Variants in GET4 observed in about 807,000 individuals in gnomAD.
GET4 encodes guided entry of tail-anchored proteins factor 4.
A neutral mutation model predicts 40.0 loss-of-function variants in GET4; 20 were observed. That is an observed-to-expected ratio of 0.50 (90% CI 0.35 to 0.73). GET4 has a LOEUF of 0.73. Ranked by LOEUF, GET4 falls within the 30% of genes least tolerant of loss-of-function variation. The pLI is 0.01. For synonymous variants in GET4, 280 were observed against 194.6 expected (o/e 1.44, Z -3.65); for missense variants, 557 against 454.0 (o/e 1.23, Z -2.06).
chr7:883,124 C>T (rs1019476582), intron 1 of GET4: 1 of 152,306 alleles, frequency 6.6e-6, no homozygotes, highest in African/African-American at 2.4e-5. Flanking sequence ...TACCTGCCGG[C>T]TCAGGTCCCT....
At chr7:894,351 TG>T (rs1844419426) in intron 8 of GET4, among the ~76,000 whole-genome samples, 1 of 152,154 alleles carries the variant, frequency 6.6e-6, no homozygotes, top group Non-Finnish European at 1.5e-5. Context: ...GCCGTGGCTT[TG>T]GGGTCGCGGC....
At chr7:887,616 A>G in intron 4 of GET4, 97 bp downstream of exon 4, 1 of 983,576 alleles carries the variant, frequency 1.0e-6, no homozygotes, top group Non-Finnish European at 1.4e-6. Flanking sequence ...ACCAGGGCAG[A>G]GATGGGGTTT....
rs1488897267 is a variant in GET4 at position 896,228 on chromosome 7, C to T, written c.*806C>T. On this transcript the variant is annotated 3_prime_UTR_variant, in exon 9 of 9. Transcript: ENST00000265857. ...ACCAAATAACCGGTCCAGGAGTGAG[C>T]AGCTCCGTTCTGTCAGATGCTACTC... 2.6e-5 allele frequency: 4 copies of T among 152,232 alleles called. No homozygotes were observed. Among genetic ancestry groups the T allele is most frequent in the Non-Finnish European group, 5.9e-5 (4 of 68,044 alleles). 9.4% of individuals were successfully genotyped at this position (152,232 alleles called of 1,614,324 possible). A position where few individuals can be genotyped will look rare whatever the true frequency, so the allele number is the denominator to read the frequency against.
At chr7:885,826 T>G in intron 1 of GET4, 1 of 544,410 alleles carries the variant, frequency 1.8e-6, no homozygotes, top group South Asian at 2.2e-5. Context: ...CCTGGTGTAT[T>G]TGGACACAGA....
chr7:888,895 T>G (rs946223243), intron 4 of GET4, among the ~76,000 whole-genome samples: 4 of 152,188 alleles, frequency 2.6e-5, no homozygotes, highest in Admixed American at 1.3e-4. Flanking sequence ...CCGGGAGCTG[T>G]CGTCTGTCTT....
chr7:895,380 G>A lies in GET4; in HGVS notation c.942G>A (p.Gly314=). ...SLMGSSEQED[G]EESPSDGSPI... is the part of the protein sequence containing the mutation. The stretch of plus-strand genomic sequence containing the variant: ...TGGGCTCCTCAGAGCAGGAGGATGG[G>A]GAGGAGAGCCCCAGCGACGGCAGCC... The change falls in exon 9 of 9, where the codon GGG becomes GGA. Residue 314 remains glycine, a synonymous_variant. Coordinates refer to ENST00000265857, the MANE Select transcript of GET4 (RefSeq NM_015949.3). 2 of 1,600,816 alleles carry A rather than the reference G, an allele frequency of 1.2e-6. No individual in the cohort carries two copies. The highest frequency in any genetic ancestry group is 1.7e-4 in the Middle Eastern group (1 of 6,038).
chr7:877,110 C>T (rs1268176759), intron 1 of GET4, among the ~76,000 whole-genome samples: 2 of 151,894 alleles, frequency 1.3e-5, no homozygotes, highest in South Asian at 2.1e-4. Flanking sequence ...CCCACACGCC[C>T]CTCGGCCTTC....
chr7:877,265 C>T (rs541209792), intron 1 of GET4, among the ~76,000 whole-genome samples: 2 of 149,868 alleles, frequency 1.3e-5, no homozygotes, highest in South Asian at 2.1e-4. Flanking sequence ...CCGGCCTCTC[C>T]CGGCCCCTCG....
intron 1 of GET4, chr7:879,718 G>A (rs1457297966): frequency 6.6e-6 from 1 of 152,250 alleles, no homozygotes; most frequent in African/African-American, 2.4e-5. Context: ...GGTTTAGAAA[G>A]AGATTCGCGT....
intron 2 of GET4, 191 bp downstream of exon 2, chr7:886,325 G>C: frequency 1.6e-6 from 1 of 608,756 alleles, no homozygotes; most frequent in South Asian, 1.9e-5. Context: ...GGGGCTCTGC[G>C]CTGCGTTTGT....
Position 890,976 on chromosome 7 carries a change from G to C in GET4, c.515G>C (p.Gly172Ala), listed in dbSNP as rs756310603. The change falls in exon 5 of 9, where the codon GGG becomes GCG. Residue 172 changes from glycine (G) to alanine (A), a missense_variant. Gly to Ala is a moderately conservative substitution (Grantham distance 60). Transcript: ENST00000265857. ...SRYHFLHSADGEGCANMLVEY... is the reference protein window; with the variant it reads ...SRYHFLHSADAEGCANMLVEY... ...TATCATTTTCTGCACTCAGCGGACGGGGAGGGCTGTGCCAACATGCTGGTG... is the reference window on the plus strand; with the variant it reads ...TATCATTTTCTGCACTCAGCGGACGCGGAGGGCTGTGCCAACATGCTGGTG... The C allele has an allele frequency of 6.2e-7, 1 of 1,609,948 alleles. No homozygotes were observed. Among genetic ancestry groups the C allele is most frequent in the Non-Finnish European group, 8.5e-7 (1 of 1,176,440 alleles).
In GET4 at chr7:893,770, T is replaced by C. The variant is rs762827481; in HGVS notation, c.777T>C (p.Cys259=). The change falls in exon 7 of 9, where the codon TGT becomes TGC. Residue 259 remains cysteine, a synonymous_variant. Coordinates refer to ENST00000265857, the MANE Select transcript of GET4 (RefSeq NM_015949.3). ...GGKLTVFTVL[C]EQYQPSLRRD... is the part of the protein sequence containing the mutation. Reference sequence around the variant, plus strand: ...AGCTGACGGTGTTCACTGTGCTGTGTGAGCAGTACCAGCCATCCCTCCGGC... The same window carrying C: ...AGCTGACGGTGTTCACTGTGCTGTGCGAGCAGTACCAGCCATCCCTCCGGC... The C allele has an allele frequency of 1.2e-5, 19 of 1,610,992 alleles. No individual in the cohort carries two copies. The highest frequency in any genetic ancestry group is 1.6e-5 in the Non-Finnish European group (19 of 1,178,100).
chr7:877,208 TC>T (rs1562890803), intron 1 of GET4, among the ~76,000 whole-genome samples: 7 of 142,110 alleles, frequency 4.9e-5, no homozygotes, highest in African/African-American at 1.1e-4. Flanking sequence ...TCTCGCTCTC[TC>T]TCTCTCTCTC....
At chr7:881,233 A>T (rs1562892620) in intron 1 of GET4, 1 of 152,194 alleles carries the variant, frequency 6.6e-6, no homozygotes, top group Non-Finnish European at 1.5e-5. Context: ...ATTTATGTAA[A>T]ATGTATAATT....
At position 895,482 on chromosome 7, in the gene GET4, C is replaced by G; in HGVS notation, c.*60C>G. On this transcript the variant is annotated 3_prime_UTR_variant, in exon 9 of 9. Transcript: ENST00000265857. Reference sequence around the variant, plus strand: ...GACGGCTGGAGGGACGTTTCAGAGGCGAGTCCTGGGTGGCTCCTCGCCTTG... The same window carrying G: ...GACGGCTGGAGGGACGTTTCAGAGGGGAGTCCTGGGTGGCTCCTCGCCTTG... 1 of 898,012 alleles carries G rather than the reference C, an allele frequency of 1.1e-6. No homozygotes were observed. The highest frequency in any genetic ancestry group is 1.8e-6 in the Non-Finnish European group (1 of 551,722). The allele number at this position is 898,012 out of a possible 1,614,324, so 55.6% of individuals were successfully genotyped here.
chr7:878,703 C>G (rs1016280302), intron 1 of GET4, among the ~76,000 whole-genome samples: 6 of 151,880 alleles, frequency 4.0e-5, no homozygotes, highest in Non-Finnish European at 8.8e-5. Flanking sequence ...GCCTCAGCCT[C>G]CTGAGTAGCT....
At chr7:894,721 A>G (rs1213202335) in intron 8 of GET4, among the ~76,000 whole-genome samples, 1 of 152,238 alleles carries the variant, frequency 6.6e-6, no homozygotes, top group Admixed American at 6.5e-5. Context: ...GACGTCGTGG[A>G]TAAGAGAGGG....
intron 1 of GET4, chr7:884,152 C>G (rs1844140916): frequency 7.8e-7 from 1 of 1,285,240 alleles, no homozygotes; most frequent in South Asian, 1.3e-5. Flanking sequence ...ATCCAGAACG[C>G]TGTAGTATCG....
intron 5 of GET4, among the ~76,000 whole-genome samples, chr7:891,370 C>T (rs957586367): frequency 6.6e-6 from 1 of 152,278 alleles, no homozygotes; most frequent in Non-Finnish European, 1.5e-5. Context: ...CTGCCTCGGC[C>T]AGTTCTTTCC....
Sources: allele counts gnomAD v4.1 joint callset (sites outside exome capture counted in the v4.1 genomes callset), GRCh38; gene constraint gnomAD v4.1.1; transcripts MANE v1.5; gene names NCBI Gene and HGNC (gene_info 2026-07-23, HGNC 2026-07-21).